The following CBLN2 variants were observed in gnomAD, a reference collection of about 807,000 sequenced individuals.
CBLN2 encodes the protein cerebellin 2 precursor.
Under a neutral mutation model 15.0 loss-of-function variants are expected in CBLN2, and 7 were observed. The ratio of observed to expected loss-of-function variants is 0.47; its 90% CI spans 0.27 to 0.88. The LOEUF (loss-of-function observed/expected upper bound fraction) is 0.88. CBLN2 is among the 40% of genes least tolerant of loss of function. The probability of loss-of-function intolerance (pLI) is 0.14; values close to 1 mark genes in which losing one functional copy is unlikely to be tolerated. For missense variants in CBLN2, 242 were observed against 304.5 expected (o/e 0.79, Z 1.53); for synonymous variants, 149 against 135.2 (o/e 1.10, Z -0.71).
At chr18:72,545,185 C>T (rs12605114), upstream of CBLN2, among the ~76,000 whole-genome samples, 10,680 of 152,172 alleles carry the variant, frequency 0.07, 1,017 homozygotes, top group East Asian at 0.54. Flanking sequence ...CTATTCTCCC[C>T]ATTTAGAACA....
intron 1 of CBLN2, among the ~76,000 whole-genome samples, chr18:72,622,265 A>G (rs2069706205): frequency 6.6e-6 from 1 of 152,078 alleles, no homozygotes; most frequent in Admixed American, 6.6e-5. Context: ...TGTCCTTGTC[A>G]AAAGAACACA....
chr18:72,561,144 A>C (rs956938442), intron 1 of CBLN2, among the ~76,000 whole-genome samples: 7 of 152,038 alleles, frequency 4.6e-5, no homozygotes, highest in Non-Finnish European at 1.0e-4. Context: ...ATATATACAC[A>C]TACACACAAA....
At chr18:72,565,083 G>A (rs1350761440) in intron 1 of CBLN2, among the ~76,000 whole-genome samples, 2 of 152,122 alleles carry the variant, frequency 1.3e-5, no homozygotes. Context: ...CACCAGACAA[G>A]CAAAAGCTGA....
chr18:72,596,186 A>AT (rs990709098), intron 1 of CBLN2, among the ~76,000 whole-genome samples: 11 of 151,722 alleles, frequency 7.3e-5, no homozygotes, highest in African/African-American at 2.7e-4. Flanking sequence ...TATGTTGTAT[A>AT]TTTTTTGATT....
intron 3 of CBLN2, among the ~76,000 whole-genome samples, chr18:72,540,959 T>C (rs1020737345): frequency 1.3e-5 from 2 of 152,180 alleles, no homozygotes; most frequent in Non-Finnish European, 2.9e-5. Context: ...TTTTAATTAT[T>C]TTTCTGAAAA....
chr18:72,560,022 C>A (rs2144891905), intron 1 of CBLN2, among the ~76,000 whole-genome samples: 1 of 152,234 alleles, frequency 6.6e-6, no homozygotes, highest in Admixed American at 6.5e-5. Flanking sequence ...CTCACTGAAC[C>A]CAGGAAGGAG....
chr18:72,611,435 C>T (rs188480516), intron 1 of CBLN2, among the ~76,000 whole-genome samples: 9 of 152,182 alleles, frequency 5.9e-5, no homozygotes, highest in Middle Eastern at 6.8e-3. Flanking sequence ...CAATAATAGC[C>T]ATCTGACTGG....
At chr18:72,616,149 AATC>A (rs2069660616) in intron 1 of CBLN2, among the ~76,000 whole-genome samples, 1 of 152,154 alleles carries the variant, frequency 6.6e-6, no homozygotes, top group South Asian at 2.1e-4. Context: ...TTTTGAAATC[AATC>A]AATGTTTTGC....
chr18:72,576,404 G>A (rs1233463338), intron 1 of CBLN2, among the ~76,000 whole-genome samples: 1 of 152,048 alleles, frequency 6.6e-6, no homozygotes, highest in Admixed American at 6.6e-5. Flanking sequence ...CTCAAATTTT[G>A]CCAATATTTA....
chr18:72,562,563 A>C (rs1182925605), intron 1 of CBLN2, among the ~76,000 whole-genome samples: 1 of 152,188 alleles, frequency 6.6e-6, no homozygotes, highest in East Asian at 1.9e-4. Context: ...TGGTTAGACG[A>C]GTCTCCTTGA....
intron 1 of CBLN2, among the ~76,000 whole-genome samples, chr18:72,595,634 T>G (rs528886539): frequency 6.6e-6 from 1 of 152,310 alleles, no homozygotes; most frequent in Admixed American, 6.5e-5. Flanking sequence ...CATCTAGGGC[T>G]GTTGTCGTAC....
chr18:72,598,585 C>T (rs1257828363), intron 1 of CBLN2, among the ~76,000 whole-genome samples: 4 of 152,182 alleles, frequency 2.6e-5, no homozygotes. Context: ...CACATGCCCC[C>T]CAAATCCACT....
chr18:72,577,793 A>G (rs2069377836), intron 1 of CBLN2, among the ~76,000 whole-genome samples: 1 of 152,206 alleles, frequency 6.6e-6, no homozygotes, highest in Non-Finnish European at 1.5e-5. Flanking sequence ...ATGTAGACGT[A>G]AATGTTGTTC....
chr18:72,584,934 G>A (rs995734319), intron 1 of CBLN2, among the ~76,000 whole-genome samples: 1 of 152,176 alleles, frequency 6.6e-6, no homozygotes, highest in Non-Finnish European at 1.5e-5. Flanking sequence ...AGGTGAGCCA[G>A]GCACAGAGCA....
Position 72,583,987 on chromosome 18 carries a change from A to C in CBLN2, c.16-45215T>G, listed in dbSNP as rs1048095288. On this transcript the variant is annotated intron_variant, in intron 1 of 2. Coordinates refer to the CBLN2 transcript ENST00000581073. Reference sequence around the variant, plus strand: ...TTCTTTTTTTCTGTGATAAAACTGCATCGTCACTTTGTTATCATGACCTGG... The same window carrying C: ...TTCTTTTTTTCTGTGATAAAACTGCCTCGTCACTTTGTTATCATGACCTGG... Among the ~76,000 whole-genome samples the C allele has an allele frequency of 1.3e-4, 20 of 152,216 alleles. 1 individual carries two copies. The highest frequency in any genetic ancestry group is 4.3e-4 in the African/African-American group (18 of 41,458).
intron 1 of CBLN2, among the ~76,000 whole-genome samples, chr18:72,629,440 G>GA (rs1358299880): frequency 6.6e-6 from 1 of 151,106 alleles, no homozygotes; most frequent in African/African-American, 2.4e-5. Flanking sequence ...CAAAGAAGAT[G>GA]AAAAAAAGGC....
chr18:72,588,397 T>C (rs1019339171), intron 1 of CBLN2, among the ~76,000 whole-genome samples: 2 of 152,268 alleles, frequency 1.3e-5, no homozygotes, highest in African/African-American at 2.4e-5. Flanking sequence ...TTGTATAACA[T>C]GAAATTGACC....
intron 1 of CBLN2, among the ~76,000 whole-genome samples, chr18:72,554,135 C>T (rs955560239): frequency 2.6e-5 from 4 of 151,988 alleles, no homozygotes; most frequent in East Asian, 3.9e-4. Context: ...GAATGTTTAA[C>T]GAATTAAAAA....
chr18:72,570,766 C>T (rs1349238181), intron 1 of CBLN2, among the ~76,000 whole-genome samples: 1 of 152,090 alleles, frequency 6.6e-6, no homozygotes, highest in Admixed American at 6.5e-5. Context: ...GATAGGTTTC[C>T]AGTAAGAGAG....
Sources: allele counts gnomAD v4.1 joint callset (sites outside exome capture counted in the v4.1 genomes callset), GRCh38; gene constraint gnomAD v4.1.1; transcripts MANE v1.5; gene names NCBI Gene and HGNC (gene_info 2026-07-23, HGNC 2026-07-21).